Variants in RXFP1 observed in about 807,000 individuals in gnomAD.
The protein encoded by RXFP1 is relaxin family peptide receptor 1.
A neutral mutation model predicts 89.8 loss-of-function variants in RXFP1; 73 were observed. The observed-to-expected ratio is 0.81, with a 90% confidence interval of 0.67 to 0.99. The LOEUF is 0.99. RXFP1 is among the 50% of genes least tolerant of loss of function. RXFP1 has a pLI of 0.00. For synonymous variants in RXFP1, 277 were observed against 305.5 expected (o/e 0.91, Z 0.97); for missense variants, 793 against 895.5 (o/e 0.89, Z 1.46).
chr4:158,622,136 C>T (rs1765740140), intron 9 of RXFP1, among the ~76,000 whole-genome samples: 1 of 152,052 alleles, frequency 6.6e-6, no homozygotes, highest in African/African-American at 2.4e-5. Flanking sequence ...CATGATGAAA[C>T]CCCATCTCTA....
In RXFP1 at chr4:158,628,219, G is replaced by A. The variant is rs72967626; in HGVS notation, c.828-419G>A. Among the ~76,000 whole-genome samples, 1,027 of 152,262 alleles carry A rather than the reference G, an allele frequency of 6.7e-3. 10 individuals carry two copies. Among genetic ancestry groups the A allele is most frequent in the African/African-American group, 0.024 (997 of 41,548 alleles). On this transcript the variant is annotated intron_variant, in intron 10 of 17. Transcript: ENST00000307765. ...TTCAGCTAAGAGTGGACTTCCTTAG[G>A]CAGATCCGCCCGAAATCACATCAAG...
intron 8 of RXFP1, among the ~76,000 whole-genome samples, chr4:158,615,116 T>A (rs576142071): frequency 6.6e-6 from 1 of 152,280 alleles, no homozygotes; most frequent in Admixed American, 6.5e-5. Flanking sequence ...GAAGCCATTG[T>A]AAGGTCATTA....
At chr4:158,523,024 G>A (rs142908317) in intron 1 of RXFP1, among the ~76,000 whole-genome samples, 88 of 151,932 alleles carry the variant, frequency 5.8e-4, no homozygotes, top group African/African-American at 2.0e-3. Flanking sequence ...CTGCTCCATC[G>A]CATCTAAAGT....
At chr4:158,524,178 A>T (rs935959306) in intron 1 of RXFP1, among the ~76,000 whole-genome samples, 5 of 152,194 alleles carry the variant, frequency 3.3e-5, no homozygotes, top group Admixed American at 3.3e-4. Flanking sequence ...CACACGAGGT[A>T]GGACATTCAG....
Position 158,599,404 on chromosome 4 carries a change from C to T in RXFP1, c.365C>T (p.Pro122Leu). 1.2e-6 allele frequency: 2 copies of T among 1,613,404 alleles called. No individual in the cohort carries two copies. Among genetic ancestry groups the T allele is most frequent in the Non-Finnish European group, 1.7e-6 (2 of 1,179,594 alleles). ...DCDETNLRAV[P>L]SVSSNVTAMS... ...GATGAAACCAATTTACGAGCTGTTC[C>T]ATCGGTTTCTTCAAATGTGACTGCA... Residue 122 changes from proline (P) to leucine (L), a missense_variant, in exon 4 of 18, where the codon CCA (proline) becomes CTA (leucine). Transcript: ENST00000307765.
Position 158,648,649 on chromosome 4 carries a change from C to G in RXFP1, c.1907C>G (p.Thr636Ser), listed in dbSNP as rs778181794. 8.7e-6 allele frequency: 14 copies of G among 1,612,998 alleles called. No homozygotes were observed. In the Admixed American group the frequency reaches 2.3e-4, roughly 27 times the overall value. The change falls in exon 17 of 18, where the codon ACT becomes AGT. Residue 636 changes from threonine (T) to serine (S), a missense_variant. Thr to Ser is a moderately conservative substitution (Grantham distance 58). Coordinates refer to ENST00000307765, the MANE Select transcript of RXFP1 (RefSeq NM_021634.4). Reference protein sequence around the residue: ...LAKRFFFIVFTDALCWIPIFV... With the variant: ...LAKRFFFIVFSDALCWIPIFV... ...AAACGTTTTTTCTTTATAGTATTTA[C>G]TGATGCATTATGCTGGATACCCATT...
At chr4:158,599,252 T>A (rs778932711) in intron 3 of RXFP1, 74 bp from the exon 4 acceptor site, 1 of 1,601,638 alleles carries the variant, frequency 6.2e-7, no homozygotes, top group Non-Finnish European at 8.5e-7. Context: ...TAGCTTTTCA[T>A]TTCTTTCTTT....
chr4:158,537,443 G>T (rs1000001207), intron 1 of RXFP1, among the ~76,000 whole-genome samples: 5 of 152,056 alleles, frequency 3.3e-5, no homozygotes, highest in Admixed American at 3.3e-4. Flanking sequence ...ACAGGGTCTT[G>T]GTGGAAGACT....
At chr4:158,644,618 G>A (rs551878223) in intron 14 of RXFP1, among the ~76,000 whole-genome samples, 1 of 152,244 alleles carries the variant, frequency 6.6e-6, no homozygotes, top group East Asian at 1.9e-4. Context: ...TTTCTCTGGA[G>A]GGATTCATTC....
upstream of RXFP1, chr4:158,521,796 GA>G: frequency 1.8e-6 from 1 of 544,802 alleles, no homozygotes; most frequent in Non-Finnish European, 3.2e-6. Context: ...AAGGAGGAAA[GA>G]AAAAAAGAGG....
chr4:158,561,626 CT>C (rs70962615), intron 1 of RXFP1, among the ~76,000 whole-genome samples: 25,702 of 112,158 alleles, frequency 0.23, 1,505 homozygotes, highest in Middle Eastern at 0.32. Flanking sequence ...TTCTTTTTTT[CT>C]TTTTTTTTTT....
At chr4:158,613,544 G>C (rs1421677682) in intron 8 of RXFP1, among the ~76,000 whole-genome samples, 2 of 152,154 alleles carry the variant, frequency 1.3e-5, no homozygotes, top group Non-Finnish European at 2.9e-5. Flanking sequence ...CACTTTCTTT[G>C]TTCATCCATA....
chr4:158,553,293 A>C (rs533161844), intron 1 of RXFP1, among the ~76,000 whole-genome samples: 1 of 152,378 alleles, frequency 6.6e-6, no homozygotes, highest in East Asian at 1.9e-4. Context: ...TTGATAATTG[A>C]ATCAATAAAA....
chr4:158,550,777 C>T (rs1027590290), intron 1 of RXFP1, among the ~76,000 whole-genome samples: 10 of 152,174 alleles, frequency 6.6e-5, no homozygotes, highest in African/African-American at 1.2e-4. Context: ...TGGAATCAGA[C>T]GGATCTGCAT....
At chr4:158,531,315 A>G (rs531460812) in intron 1 of RXFP1, among the ~76,000 whole-genome samples, 1 of 152,312 alleles carries the variant, frequency 6.6e-6, no homozygotes, top group African/African-American at 2.4e-5. Context: ...GGATTGAGCC[A>G]CTGCACCTGG....
upstream of RXFP1, chr4:158,521,815 A>G (rs1741241549): frequency 5.3e-6 from 3 of 562,204 alleles, no homozygotes; most frequent in Admixed American, 1.1e-4. Flanking sequence ...AGGAATGGAA[A>G]GAGACAGAGA....
intron 2 of RXFP1, among the ~76,000 whole-genome samples, chr4:158,589,134 G>A (rs895798973): frequency 1.3e-5 from 2 of 152,078 alleles, no homozygotes; most frequent in African/African-American, 4.8e-5. Context: ...AAAGGGAGAA[G>A]CCCCTTATAA....
At chr4:158,628,777 T>G in intron 11 of RXFP1, 68 bp downstream of exon 11, 1 of 794,210 alleles carries the variant, frequency 1.3e-6, no homozygotes, top group Non-Finnish European at 2.0e-6. Flanking sequence ...TGTACTTACA[T>G]GTGTTTATAC....
chr4:158,534,335 C>T lies in RXFP1; in HGVS notation c.49+12310C>T, dbSNP rs147631593. On this transcript the variant is annotated intron_variant, in intron 1 of 17. Transcript: ENST00000307765. ...CAATCTCTGCTCATTGCAACCTCCA[C>T]CTCCTGGGTTCAAATGATTCTGCTG... Among the ~76,000 whole-genome samples, 195 of 151,782 alleles carry T rather than the reference C, an allele frequency of 1.3e-3. 1 individual carries two copies. Among genetic ancestry groups the T allele is most frequent in the Middle Eastern group, 3.4e-3 (1 of 294 alleles).
Sources: gnomAD v4.1 joint callset for allele counts (sites outside exome capture counted in the v4.1 genomes callset) on GRCh38, gnomAD v4.1.1 for gene constraint, MANE v1.5 for transcripts, NCBI Gene and HGNC (gene_info 2026-07-23, HGNC 2026-07-21) for gene names.